The following TENM3 variants were observed in gnomAD, a reference collection of about 807,000 sequenced individuals.
TENM3 encodes the protein teneurin-3.
Under a neutral mutation model 255.1 loss-of-function variants are expected in TENM3, and 63 were observed. The ratio of observed to expected loss-of-function variants is 0.25; its 90% CI spans 0.20 to 0.30. TENM3 has a LOEUF of 0.30. TENM3 is among the 10% of genes least tolerant of loss of function. TENM3 has a pLI of 1.00. For missense variants in TENM3, 2,929 were observed against 3,461.1 expected (o/e 0.85, Z 3.86); for synonymous variants, 1,306 against 1,322.3 (o/e 0.99, Z 0.27).
intron 3 of TENM3, among the ~76,000 whole-genome samples, chr4:182,423,461 A>G (rs1770987842): frequency 6.6e-6 from 1 of 152,154 alleles, no homozygotes; most frequent in Non-Finnish European, 1.5e-5. Context: ...GATGTCCTGT[A>G]TTAAGGATGT....
chr4:181,601,056 C>G, the TENM3 span, among the ~76,000 whole-genome samples: 3 of 152,150 alleles, frequency 2.0e-5, no homozygotes, highest in Non-Finnish European at 2.9e-5. Context: ...GGGGTCCCAT[C>G]TGCCTTGATC....
At chr4:181,696,528 A>T in the TENM3 span, among the ~76,000 whole-genome samples, 1 of 152,224 alleles carries the variant, frequency 6.6e-6, no homozygotes, top group Non-Finnish European at 1.5e-5. Context: ...TGTACATATA[A>T]TTATGTATCA....
the TENM3 span, among the ~76,000 whole-genome samples, chr4:181,523,864 G>A: frequency 2.4e-4 from 37 of 152,152 alleles, no homozygotes; most frequent in African/African-American, 8.2e-4. Context: ...CATCCTACAG[G>A]ATTCAAACAG....
At chr4:181,766,876 T>G in the TENM3 span, among the ~76,000 whole-genome samples, 1 of 151,996 alleles carries the variant, frequency 6.6e-6, no homozygotes, top group Non-Finnish European at 1.5e-5. Context: ...AAGAGAATTG[T>G]TAACACAATA....
chr4:182,754,869 A>G lies in TENM3; in HGVS notation c.4502A>G (p.Asn1501Ser), dbSNP rs1178122460. The G allele has an allele frequency of 1.9e-6, 3 of 1,614,048 alleles. No individual in the cohort carries two copies. The highest frequency in any genetic ancestry group is 2.2e-5 in the East Asian group (1 of 44,872). Residue 1501 changes from asparagine (N) to serine (S), a missense_variant, in exon 22 of 28, where the codon AAT becomes AGT. Physicochemically the swap from Asn to Ser is conservative, Grantham distance 46. This residue lies in a region of TENM3 where 1,608 missense variants were observed against 1,884.4 expected (regional missense o/e 0.85). Coordinates refer to ENST00000511685, the MANE Select transcript of TENM3 (RefSeq NM_001080477.4). The surrounding 1 kb of genome is among the most constrained non-coding windows in gnomAD (Gnocchi z 5.1). The stretch of plus-strand genomic sequence containing the variant: ...ATCCGGATCCGGGCTGTGTCAAAGA[A>G]TAAGCCTTTACTTAACTCTATGAAC... ...GNIRIRAVSK[N>S]KPLLNSMNFY...
At chr4:182,512,339 A>C (rs138217644) in intron 3 of TENM3, among the ~76,000 whole-genome samples, 22 of 152,292 alleles carry the variant, frequency 1.4e-4, no homozygotes, top group African/African-American at 5.3e-4. Flanking sequence ...TGACAGAGTC[A>C]CCAGATGGGA....
At chr4:182,065,525 A>G in the TENM3 span, among the ~76,000 whole-genome samples, 1 of 152,176 alleles carries the variant, frequency 6.6e-6, no homozygotes. Flanking sequence ...ACACTTTTAA[A>G]CAGCCAGATC....
intron 3 of TENM3, among the ~76,000 whole-genome samples, chr4:182,483,964 C>G (rs1051989764): frequency 6.6e-6 from 1 of 152,184 alleles, no homozygotes; most frequent in African/African-American, 2.4e-5. Context: ...GGCTTCTCCT[C>G]CAGCACTCAG....
At chr4:181,578,939 A>G in the TENM3 span, among the ~76,000 whole-genome samples, 1 of 152,166 alleles carries the variant, frequency 6.6e-6, no homozygotes, top group East Asian at 1.9e-4. Context: ...GGAAGGGGGC[A>G]CGATTCAGCC....
chr4:182,118,160 T>G, the TENM3 span, among the ~76,000 whole-genome samples: 1 of 152,232 alleles, frequency 6.6e-6, no homozygotes, highest in Non-Finnish European at 1.5e-5. Flanking sequence ...CATTAATTAC[T>G]TATTAATTCC....
At chr4:181,781,029 G>T in the TENM3 span, among the ~76,000 whole-genome samples, 4 of 152,156 alleles carry the variant, frequency 2.6e-5, no homozygotes, top group Non-Finnish European at 5.9e-5. Flanking sequence ...CTGTAGCCTT[G>T]TAGTGTAGTT....
At chr4:182,023,445 T>C in the TENM3 span, among the ~76,000 whole-genome samples, 1 of 152,190 alleles carries the variant, frequency 6.6e-6, no homozygotes, top group African/African-American at 2.4e-5. Context: ...TTTTTTCCTC[T>C]CCTCCTGGAA....
rs866579637 is a variant in TENM3, at chr4:182,729,125, C to T, written c.2529C>T (p.Phe843=). 5 of 1,613,994 alleles carry T rather than the reference C, an allele frequency of 3.1e-6. No individual in the cohort carries two copies. In the African/African-American group the frequency reaches 4.0e-5, roughly 13 times the overall value. Residue 843 remains phenylalanine (F), a synonymous_variant, in exon 14 of 28, where the codon TTC becomes TTT. Transcript: ENST00000511685. ...AATCCTTTTATGATCGAATCAGTTT[C>T]CTTATAGGATCTGATAGCACCCATG... ...AAKSFYDRIS[F]LIGSDSTHVI...
At chr4:182,289,760 A>G (rs1484991111) in intron 1 of TENM3, among the ~76,000 whole-genome samples, 1 of 152,126 alleles carries the variant, frequency 6.6e-6, no homozygotes, top group African/African-American at 2.4e-5. Context: ...AGCAGGCAGA[A>G]CCCTGGCCTT....
At chr4:181,602,117 T>C in the TENM3 span, among the ~76,000 whole-genome samples, 1 of 152,196 alleles carries the variant, frequency 6.6e-6, no homozygotes, top group Admixed American at 6.5e-5. Context: ...TAATAACCTT[T>C]TTATAAAGTG....
intron 3 of TENM3, among the ~76,000 whole-genome samples, chr4:182,427,705 T>G (rs1405484199): frequency 6.6e-6 from 1 of 152,078 alleles, no homozygotes; most frequent in Non-Finnish European, 1.5e-5. Flanking sequence ...GACTGGATTT[T>G]GAGTCATGGC....
At chr4:181,516,547 G>A in the TENM3 span, among the ~76,000 whole-genome samples, 2 of 152,080 alleles carry the variant, frequency 1.3e-5, no homozygotes, top group Non-Finnish European at 2.9e-5. Flanking sequence ...TTGGGAGGCC[G>A]AGGCGGGCAG....
In TENM3 at chr4:182,654,800, A is replaced by G. The variant is rs1013228399; in HGVS notation, c.1111+907A>G. ...ATTCTACATTTAATGAACTTATTAT[A>G]TGTTGCTGTGTCACATGTACCCATT... On this transcript the variant is annotated intron_variant, in intron 6 of 27. Coordinates refer to ENST00000511685, the MANE Select transcript of TENM3 (RefSeq NM_001080477.4). Among the ~76,000 whole-genome samples the G allele has an allele frequency of 5.9e-5, 9 of 152,100 alleles. No individual in the cohort carries two copies. The East Asian group carries it at 7.7e-4, about 13-fold the overall frequency.
the TENM3 span, among the ~76,000 whole-genome samples, chr4:181,648,645 A>T: frequency 6.6e-6 from 1 of 152,182 alleles, no homozygotes; most frequent in Non-Finnish European, 1.5e-5. Flanking sequence ...TTATTTTCTT[A>T]GTTCTCTCTC....
Sources: gnomAD v4.1 joint callset for allele counts (sites outside exome capture counted in the v4.1 genomes callset) on GRCh38, gnomAD v4.1.1 for gene constraint, gnomAD v4.1.1 regional missense constraint, Gnocchi (gnomAD v3.1) non-coding constraint, MANE v1.5 for transcripts, NCBI Gene and HGNC (gene_info 2026-07-23, HGNC 2026-07-21) for gene names.